The following EPHA5 variants were observed in gnomAD, a reference collection of about 807,000 sequenced individuals.
The protein encoded by EPHA5 is ephrin type-A receptor 5.
Under a neutral mutation model 105.0 loss-of-function variants are expected in EPHA5, and 60 were observed. The observed-to-expected ratio is 0.57, with a 90% CI of 0.46 to 0.71. The LOEUF (loss-of-function observed/expected upper bound fraction) is 0.71. Ranked by LOEUF, EPHA5 falls within the 30% of genes least tolerant of loss-of-function variation. The pLI, the probability that EPHA5 is intolerant of heterozygous loss-of-function variation, is 0.00. For missense variants in EPHA5, 1,218 were observed against 1,274.7 expected, an observed-to-expected ratio of 0.96 and a Z score of 0.68; for synonymous variants, 513 against 449.1, an observed-to-expected ratio of 1.14 and a Z score of -1.80.
chr4:65,529,866 G>T (rs1201101908), intron 3 of EPHA5, among the ~76,000 whole-genome samples: 1 of 151,856 alleles, frequency 6.6e-6, no homozygotes, highest in Non-Finnish European at 1.5e-5. Flanking sequence ...TGTTGTTATT[G>T]GCCATTAGAA....
chr4:65,576,054 G>GAAAGA (rs1423504045), intron 3 of EPHA5, among the ~76,000 whole-genome samples: 13 of 81,560 alleles, frequency 1.6e-4, no homozygotes, highest in Middle Eastern at 6.8e-3. Flanking sequence ...AAGAAAGAAA[G>GAAAGA]AAAGAAAAGA....
Position 65,332,097 on chromosome 4 carries a change from G to C in EPHA5, c.2821C>G (p.Leu941Val), listed in dbSNP as rs2148799368. Reference sequence around the variant, plus strand: ...ACTGATCTGTAGGCCCCAGATCCTAGTGGGCTATGTTCTGCCAATAAATTA... The same window carrying C: ...ACTGATCTGTAGGCCCCAGATCCTACTGGGCTATGTTCTGCCAATAAATTA... The part of the protein sequence containing the change: ...VSNLLAEHSP[L>V]GSGAYRSVGE... The change falls in exon 16 of 17, where the codon CTA becomes GTA. Residue 941 changes from leucine (L) to valine (V), a missense_variant. Transcript: ENST00000613740. 1 of 1,608,152 alleles carries C rather than the reference G, an allele frequency of 6.2e-7. No homozygotes were observed. Among genetic ancestry groups the C allele is most frequent in the Non-Finnish European group, 8.5e-7 (1 of 1,176,840 alleles).
chr4:65,474,685 C>A (rs1729622384), intron 5 of EPHA5, among the ~76,000 whole-genome samples: 1 of 152,146 alleles, frequency 6.6e-6, no homozygotes, highest in South Asian at 2.1e-4. Flanking sequence ...TGGTGTTTTG[C>A]AGCCAAACTA....
rs952103518 is a variant in EPHA5 at position 65,332,170 on chromosome 4, T to A, written c.2790-42A>T. On this transcript the variant is annotated intron_variant, in intron 15 of 16. Transcript: ENST00000613740. ...ATAAATATTAAAAGTTACAATTTAA[T>A]TCTTTTATAACAAAGTTTACTATAA... 3.4e-6 allele frequency: 5 copies of A among 1,475,466 alleles called. No homozygotes were observed. In the African/African-American group the frequency reaches 7.2e-5, roughly 21 times the overall value. The allele number at this position is 1,475,466 out of a possible 1,614,324, so 91.4% of individuals were successfully genotyped here. A position where few individuals can be genotyped will look rare whatever the true frequency, so the allele number is the denominator to read the frequency against.
chr4:65,648,749 A>G (rs1270601998), intron 1 of EPHA5, among the ~76,000 whole-genome samples: 1 of 152,162 alleles, frequency 6.6e-6, no homozygotes, highest in Non-Finnish European at 1.5e-5. Context: ...AAGCTACTGG[A>G]TTCAATTATA....
At chr4:65,369,615 A>G (rs1718260183) in intron 8 of EPHA5, among the ~76,000 whole-genome samples, 1 of 152,152 alleles carries the variant, frequency 6.6e-6, no homozygotes, top group South Asian at 2.1e-4. Flanking sequence ...ACAATGTGTA[A>G]CTACATATAT....
chr4:65,503,908 TACACAC>T (rs34693427), intron 3 of EPHA5, among the ~76,000 whole-genome samples: 4,069 of 145,346 alleles, frequency 0.028, 135 homozygotes, highest in African/African-American at 0.075. Context: ...ATGTGTGTGA[TACACAC>T]ACACACACAC....
chr4:65,328,841 C>A (rs1720329721), intron 16 of EPHA5, among the ~76,000 whole-genome samples: 1 of 151,060 alleles, frequency 6.6e-6, no homozygotes, highest in Non-Finnish European at 1.5e-5. Flanking sequence ...TATAATAAAT[C>A]ATGCATAATG....
intron 5 of EPHA5, among the ~76,000 whole-genome samples, chr4:65,445,350 AAT>A (rs1021396688): frequency 1.3e-5 from 2 of 152,152 alleles, no homozygotes; most frequent in African/African-American, 2.4e-5. Context: ...ATTTTTAAAC[AAT>A]ATGTTATTTA....
intron 8 of EPHA5, among the ~76,000 whole-genome samples, chr4:65,376,353 C>T (rs556526010): frequency 2.6e-5 from 4 of 152,042 alleles, no homozygotes; most frequent in Admixed American, 6.6e-5. Flanking sequence ...TGTGAATAAT[C>T]GTAACCCCAG....
chr4:65,616,477 G>A lies in EPHA5; in HGVS notation c.247-14173C>T, dbSNP rs145307392. The stretch of plus-strand genomic sequence containing the variant: ...CACAGAGAGAGAGAGAGAGAGAAGA[G>A]CATTAAGAGAAGGGAGAATTGAGAT... On this transcript the variant is annotated intron_variant, in intron 2 of 16. Coordinates refer to ENST00000613740, the MANE Select transcript of EPHA5 (RefSeq NM_001281766.3). Among the ~76,000 whole-genome samples, 97 of 149,784 alleles carry A rather than the reference G, an allele frequency of 6.5e-4. 1 individual carries two copies. The highest frequency in any genetic ancestry group is 2.3e-3 in the African/African-American group (95 of 40,644).
At position 65,414,448 on chromosome 4, in the gene EPHA5, G is replaced by A. The variant is rs1270994012; in HGVS notation, c.1528-5C>T. The stretch of plus-strand genomic sequence containing the variant: ...CGTGTAGCTGGTCTCTTGGTCCTTG[G>A]GATGCGCATGCATATACAATAAAAA... On this transcript the variant is annotated splice_polypyrimidine_tract_variant and splice_region_variant and intron_variant, in intron 6 of 16. Coordinates refer to ENST00000613740, the MANE Select transcript of EPHA5 (RefSeq NM_001281766.3). The A allele has an allele frequency of 2.5e-6, 4 of 1,613,364 alleles. No individual in the cohort carries two copies. The African/African-American group carries it at 5.3e-5, about 22-fold the overall frequency.
At chr4:65,435,928 T>A (rs547424309) in intron 5 of EPHA5, among the ~76,000 whole-genome samples, 3 of 152,042 alleles carry the variant, frequency 2.0e-5, no homozygotes, top group Non-Finnish European at 4.4e-5. Flanking sequence ...TCTATAAAAT[T>A]TAAATATGAT....
intron 5 of EPHA5, among the ~76,000 whole-genome samples, chr4:65,481,854 T>G (rs1730395205): frequency 6.6e-6 from 1 of 152,230 alleles, no homozygotes. Context: ...GCTTAGGTGC[T>G]AAATACTTCT....
chr4:65,502,552 C>G (rs62299207), intron 3 of EPHA5, among the ~76,000 whole-genome samples: 32,526 of 151,692 alleles, frequency 0.21, 3,800 homozygotes, highest in Middle Eastern at 0.33. Flanking sequence ...AATGAGATAC[C>G]ATCTCACAAT....
Position 65,412,963 on chromosome 4 carries a change from G to T in EPHA5, c.1687+1321C>A, listed in dbSNP as rs112600909. Among the ~76,000 whole-genome samples, 201 of 152,058 alleles carry T rather than the reference G, an allele frequency of 1.3e-3. 1 individual carries two copies. Among genetic ancestry groups the T allele is most frequent in the African/African-American group, 4.5e-3 (187 of 41,482 alleles). On this transcript the variant is annotated intron_variant, in intron 7 of 16. Transcript: ENST00000613740. ...AAGCATAGTTTGAGATTTCATTTAC[G>T]GCTTTGTTCCCAGAGTTGGTAGACC... is the stretch of plus-strand genomic sequence containing the variant.
intron 5 of EPHA5, among the ~76,000 whole-genome samples, chr4:65,437,856 A>C (rs1725627570): frequency 6.6e-6 from 1 of 151,926 alleles, no homozygotes; most frequent in South Asian, 2.1e-4. Context: ...TAAAATAATA[A>C]AATTTCCATG....
chr4:65,637,225 G>GTT (rs33936787), intron 2 of EPHA5, among the ~76,000 whole-genome samples: 43,402 of 138,864 alleles, frequency 0.31, 7,297 homozygotes, highest in East Asian at 0.57. Flanking sequence ...GCACAGAAAA[G>GTT]TTTTTTTTTT....
chr4:65,591,937 C>T (rs1235697027), intron 3 of EPHA5, among the ~76,000 whole-genome samples: 4 of 152,064 alleles, frequency 2.6e-5, no homozygotes, highest in African/African-American at 9.7e-5. Flanking sequence ...TTCTTCATTT[C>T]TTACCTAATA....
Sources: gnomAD v4.1 joint callset for allele counts (sites outside exome capture counted in the v4.1 genomes callset) on GRCh38, gnomAD v4.1.1 for gene constraint, MANE v1.5 for transcripts, NCBI Gene and HGNC (gene_info 2026-07-23, HGNC 2026-07-21) for gene names.